The following PTER variants were observed in gnomAD, a reference collection of about 807,000 sequenced individuals.
PTER encodes phosphotriesterase related, also known as N-acetyltaurine hydrolase.
In PTER, 38 loss-of-function variants were observed where a neutral mutation model predicts 29.6. That is an observed-to-expected ratio of 1.28 (90% CI 0.99 to 1.68). PTER has a LOEUF of 1.68. Among genes scored for constraint, PTER ranks in the 40% most tolerant of loss-of-function variants. The pLI is 0.00. For synonymous variants in PTER, 172 were observed against 154.5 expected (o/e 1.11, Z -0.84); for missense variants, 482 against 427.8 (o/e 1.13, Z -1.12).
At chr10:16,469,929 T>C in intron 1 of PTER, among the ~76,000 whole-genome samples, 1 of 151,926 alleles carries the variant, frequency 6.6e-6, no homozygotes, top group East Asian at 1.9e-4. Context: ...AATAAGAGCA[T>C]TTGTAGATGT....
intron 1 of PTER, among the ~76,000 whole-genome samples, chr10:16,440,766 CT>C (rs970656243): frequency 1.3e-5 from 2 of 152,246 alleles, no homozygotes; most frequent in African/African-American, 4.8e-5. Context: ...GCGGAGCCCC[CT>C]GCCTTCCTGT....
At chr10:16,468,199 G>T (rs894672317) in intron 1 of PTER, among the ~76,000 whole-genome samples, 1 of 151,988 alleles carries the variant, frequency 6.6e-6, no homozygotes, top group Non-Finnish European at 1.5e-5. Context: ...AAAATTAGCC[G>T]AGTGTGGTGG....
At chr10:16,509,485 T>C (rs995455375) in intron 4 of PTER, among the ~76,000 whole-genome samples, 1 of 152,178 alleles carries the variant, frequency 6.6e-6, no homozygotes, top group Non-Finnish European at 1.5e-5. Context: ...GAAATTATAT[T>C]TATCAGATAA....
chr10:16,495,819 G>T (rs3898395), intron 3 of PTER, among the ~76,000 whole-genome samples: 58,335 of 151,940 alleles, frequency 0.38, 11,362 homozygotes, highest in Middle Eastern at 0.55. Context: ...CTGCATTGTG[G>T]GTCACTTTAA....
In PTER at chr10:16,475,429, TC is replaced by T. The variant is rs1835223708; in HGVS notation, c.-48-8907del. ...GGAGACTCTCTTTCTCTCCATATTG[TC>T]TCAGGGCCTCTTCTCCATGTAGGAA... is the stretch of plus-strand genomic sequence containing the variant. On this transcript the variant is annotated intron_variant, in intron 1 of 4. Coordinates refer to ENST00000535784, the MANE Select transcript of PTER (RefSeq NM_001261836.2). 3.3e-5 allele frequency among the ~76,000 whole-genome samples: 5 copies of T among 152,308 alleles called. No homozygotes were observed. The South Asian group carries it at 1.0e-3, about 32-fold the overall frequency.
At chr10:16,456,571 T>C (rs1426910484) in intron 1 of PTER, among the ~76,000 whole-genome samples, 3 of 152,194 alleles carry the variant, frequency 2.0e-5, no homozygotes, top group Admixed American at 2.0e-4. Context: ...GGTCTCAGGC[T>C]TCAGAAGAAT....
rs1835606264 is a variant in PTER at position 16,484,500 on chromosome 10, C to T, written c.116C>T (p.Pro39Leu). The change falls in exon 2 of 5, where the codon CCA (proline) becomes CTA (leucine). Residue 39 changes from proline (P) to leucine (L), a missense_variant. By Grantham distance (98) the Pro-to-Leu change is moderately conservative. Transcript: ENST00000535784. ...ATGACCTTTGACTGCTGTTACTGTC[C>T]ACCTCCCCCGTGCCAGGAAGCTATT... ...LAMTFDCCYC[P>L]PPPCQEAISK... 1 of 1,613,932 alleles carries T rather than the reference C, an allele frequency of 6.2e-7. No individual in the cohort carries two copies. Among genetic ancestry groups the T allele is most frequent in the African/African-American group, 1.3e-5 (1 of 74,872 alleles).
chr10:16,501,961 C>T (rs1836367187), intron 3 of PTER, among the ~76,000 whole-genome samples: 2 of 152,296 alleles, frequency 1.3e-5, no homozygotes, highest in Non-Finnish European at 2.9e-5. Flanking sequence ...TAATTGTCAG[C>T]ATGATGATAA....
At chr10:16,451,476 A>G (rs1834205734) in intron 1 of PTER, among the ~76,000 whole-genome samples, 1 of 152,188 alleles carries the variant, frequency 6.6e-6, no homozygotes, top group Non-Finnish European at 1.5e-5. Flanking sequence ...TGAGAGGCCA[A>G]GGTGGGTGGA....
intron 1 of PTER, among the ~76,000 whole-genome samples, chr10:16,462,854 A>G (rs996199080): frequency 6.6e-6 from 1 of 150,470 alleles, no homozygotes; most frequent in Admixed American, 6.6e-5. Flanking sequence ...TACAGGCATG[A>G]GCCACCATGC....
chr10:16,499,165 C>T (rs962229868), intron 3 of PTER, among the ~76,000 whole-genome samples: 2 of 152,146 alleles, frequency 1.3e-5, no homozygotes, highest in African/African-American at 4.8e-5. Context: ...GACAGTCACA[C>T]CTTCCTGATA....
intron 1 of PTER, among the ~76,000 whole-genome samples, chr10:16,449,474 C>T (rs796891826): frequency 3.8e-5 from 5 of 130,694 alleles, no homozygotes; most frequent in South Asian, 4.9e-4. Context: ...CTCACTCCGT[C>T]GCCCAGGGTA....
intron 1 of PTER, among the ~76,000 whole-genome samples, chr10:16,459,562 C>CGTA (rs1440833799): frequency 6.6e-6 from 1 of 152,124 alleles, no homozygotes; most frequent in Admixed American, 6.5e-5. Flanking sequence ...GTTAGATACA[C>CGTA]CCCTGCATCT....
At chr10:16,495,971 C>A (rs1836081439) in intron 3 of PTER, among the ~76,000 whole-genome samples, 1 of 152,196 alleles carries the variant, frequency 6.6e-6, no homozygotes, top group Non-Finnish European at 1.5e-5. Flanking sequence ...GTTGCCCAAG[C>A]AAGACAGGCT....
At chr10:16,498,902 C>A (rs540551537) in intron 3 of PTER, among the ~76,000 whole-genome samples, 1 of 152,286 alleles carries the variant, frequency 6.6e-6, no homozygotes, top group East Asian at 1.9e-4. Context: ...GGGTAAGTCA[C>A]CTTGTTAGAC....
downstream of PTER, among the ~76,000 whole-genome samples, chr10:16,517,227 G>C (rs1303257854): frequency 2.6e-5 from 4 of 152,128 alleles, no homozygotes; most frequent in African/African-American, 4.8e-5. Flanking sequence ...CTTATTACAA[G>C]ATAACTATTT....
At chr10:16,465,831 G>T (rs537597712) in intron 1 of PTER, among the ~76,000 whole-genome samples, 1 of 152,184 alleles carries the variant, frequency 6.6e-6, no homozygotes, top group South Asian at 2.1e-4. Context: ...TGGTGGAAGG[G>T]GAATCACGCA....
chr10:16,489,183 C>T (rs781193123), intron 3 of PTER, among the ~76,000 whole-genome samples: 5 of 152,148 alleles, frequency 3.3e-5, no homozygotes, highest in Non-Finnish European at 5.9e-5. Context: ...CTCTTTCCAA[C>T]GGAATCAATC....
intron 1 of PTER, among the ~76,000 whole-genome samples, chr10:16,440,333 G>A (rs892369903): frequency 6.6e-6 from 1 of 151,960 alleles, no homozygotes; most frequent in African/African-American, 2.4e-5. Context: ...CTCCCGGCAT[G>A]AGCCACCACG....
Sources: gnomAD v4.1 joint callset for allele counts (sites outside exome capture counted in the v4.1 genomes callset) on GRCh38, gnomAD v4.1.1 for gene constraint, MANE v1.5 for transcripts, NCBI Gene and HGNC (gene_info 2026-07-23, HGNC 2026-07-21) for gene names.